CPS1: variants seen among roughly 807,000 people sequenced by gnomAD.
The protein encoded by CPS1 is carbamoyl-phosphate synthase [ammonia], mitochondrial.
Under a neutral mutation model 174.6 loss-of-function variants are expected in CPS1, and 109 were observed. The ratio of observed to expected loss-of-function variants is 0.62; its 90% CI spans 0.53 to 0.73. The LOEUF (loss-of-function observed/expected upper bound fraction) is 0.73, where lower values mean the gene tolerates loss of function less well. Among genes scored for constraint, CPS1 ranks in the 30% least tolerant of loss-of-function variants. CPS1 has a pLI of 0.00. For synonymous variants in CPS1, 637 were observed against 632.0 expected (o/e 1.01, Z -0.12); for missense variants, 1,689 against 1,821.9 (o/e 0.93, Z 1.33).
intron 19 of CPS1, among the ~76,000 whole-genome samples, chr2:210,611,303 CA>C (rs954185141): frequency 6.6e-6 from 1 of 151,798 alleles, no homozygotes; most frequent in African/African-American, 2.4e-5. Flanking sequence ...TGAGGAATCA[CA>C]AAAGTTTACT....
At chr2:210,665,834 T>C (rs1701079026) in intron 33 of CPS1, among the ~76,000 whole-genome samples, 1 of 145,532 alleles carries the variant, frequency 6.9e-6, no homozygotes, top group African/African-American at 2.6e-5. Flanking sequence ...CCTTTGGGTA[T>C]ATACCCAGTA....
At chr2:210,516,119 A>C (rs918978397) in intron 1 of CPS1, among the ~76,000 whole-genome samples, 1 of 151,932 alleles carries the variant, frequency 6.6e-6, no homozygotes, top group Non-Finnish European at 1.5e-5. Context: ...ATGGCTGAGC[A>C]TGTGGTTGAC....
At chr2:210,492,109 A>T (rs898382671) in intron 1 of CPS1, among the ~76,000 whole-genome samples, 1 of 152,238 alleles carries the variant, frequency 6.6e-6, no homozygotes, top group East Asian at 1.9e-4. Context: ...AGACTTCACT[A>T]TCCCTCCAGA....
At chr2:210,571,552 G>A (rs1322091112) in intron 1 of CPS1, among the ~76,000 whole-genome samples, 1 of 151,878 alleles carries the variant, frequency 6.6e-6, no homozygotes, top group African/African-American at 2.4e-5. Context: ...AGTTTTGTGT[G>A]TAAATGTAAG....
chr2:210,566,765 T>G (rs1029398330), intron 1 of CPS1, among the ~76,000 whole-genome samples: 21 of 152,150 alleles, frequency 1.4e-4, no homozygotes, highest in African/African-American at 4.8e-4. Context: ...ATCATTATTT[T>G]TTGTGAAGAT....
chr2:210,636,395 A>G (rs1377665639), intron 21 of CPS1, among the ~76,000 whole-genome samples: 3 of 151,206 alleles, frequency 2.0e-5, no homozygotes, highest in East Asian at 1.9e-4. Flanking sequence ...AATTATATTT[A>G]CATTTAATTT....
intron 1 of CPS1, among the ~76,000 whole-genome samples, chr2:210,486,074 ATATATGTG>A (rs1233793083): frequency 7.5e-5 from 11 of 147,228 alleles, no homozygotes; most frequent in Non-Finnish European, 1.0e-4. Flanking sequence ...ATATATGTAT[ATATATGTG>A]TATATATATA....
chr2:210,594,168 A>G (rs1042535494), intron 11 of CPS1, among the ~76,000 whole-genome samples: 1 of 151,920 alleles, frequency 6.6e-6, no homozygotes, highest in African/African-American at 2.4e-5. Flanking sequence ...CATAAGTGAT[A>G]TAGCTTCAAT....
At chr2:210,652,685 G>A (rs1394559070) in intron 28 of CPS1, among the ~76,000 whole-genome samples, 1 of 152,096 alleles carries the variant, frequency 6.6e-6, no homozygotes, top group African/African-American at 2.4e-5. Flanking sequence ...CTGCCTGTGA[G>A]GAATCCAAGT....
intron 29 of CPS1, 114 bp from the exon 30 acceptor site, chr2:210,656,411 C>T (rs897842479): frequency 5.5e-5 from 41 of 743,414 alleles, no homozygotes; most frequent in Non-Finnish European, 9.0e-5. Context: ...AGCAAGGGAA[C>T]TACTTAGTGC....
At chr2:210,530,633 T>G (rs1173160000) in intron 1 of CPS1, among the ~76,000 whole-genome samples, 1 of 152,074 alleles carries the variant, frequency 6.6e-6, no homozygotes, top group Non-Finnish European at 1.5e-5. Flanking sequence ...GTTATTCAGT[T>G]TAACCTAAGG....
chr2:210,656,234 C>T (rs994690359), intron 29 of CPS1, among the ~76,000 whole-genome samples: 2 of 152,172 alleles, frequency 1.3e-5, no homozygotes, highest in Non-Finnish European at 2.9e-5. Context: ...CTATCCTGTT[C>T]TTAAAAGTCA....
chr2:210,507,369 T>C (rs1388629445), intron 1 of CPS1, among the ~76,000 whole-genome samples: 1 of 152,244 alleles, frequency 6.6e-6, no homozygotes, highest in African/African-American at 2.4e-5. Flanking sequence ...AAAGAGCTCC[T>C]GAAGGAAGCA....
Position 210,675,728 on chromosome 2 carries a change from C to T in CPS1, c.4162C>T (p.Leu1388=). 7 of 1,494,754 alleles carry T rather than the reference C, an allele frequency of 4.7e-6. No individual in the cohort carries two copies. Among genetic ancestry groups the T allele is most frequent in the Non-Finnish European group, 6.5e-6 (7 of 1,071,166 alleles). 92.6% of individuals were successfully genotyped at this position (1,494,754 alleles called of 1,614,324 possible). ...ATTGATTTTTTCATTTTAAATGCAG[C>T]TGTTTGCCACGGAAGCCACATCAGA... The part of the protein sequence containing the change: ...AEQLHNEGFK[L]FATEATSDWL... The change falls in exon 36 of 38, where the codon CTG becomes TTG. Residue 1388 remains leucine, a splice_region_variant and synonymous_variant. Coordinates refer to ENST00000233072, the MANE Select transcript of CPS1 (RefSeq NM_001875.5).
intron 23 of CPS1, 47 bp from the exon 24 acceptor site, chr2:210,639,949 T>C (rs774893647): frequency 3.4e-5 from 44 of 1,312,316 alleles, no homozygotes; most frequent in Non-Finnish European, 4.4e-5. Context: ...TTAAATGGAA[T>C]AATAACACTT....
chr2:210,517,835 C>T (rs975165547), intron 1 of CPS1, among the ~76,000 whole-genome samples: 2 of 151,928 alleles, frequency 1.3e-5, no homozygotes, highest in Non-Finnish European at 2.9e-5. Context: ...TATGGCTATG[C>T]TGTAGTTTGA....
At position 210,600,658 on chromosome 2, in the gene CPS1, A is replaced by G; in HGVS notation, c.1653A>G (p.Ser551=). Residue 551 remains serine (S), a synonymous_variant, in exon 15 of 38, where the codon TCA becomes TCG. Coordinates refer to ENST00000233072, the MANE Select transcript of CPS1 (RefSeq NM_001875.5). The part of the protein sequence containing the change: ...IMATEDRQLF[S]DKLNEINEKI... ...CTACGGAAGACAGGCAGCTGTTTTCAGATAAACTAAATGAGATCAATGAAA... is the reference window on the plus strand; with the variant it reads ...CTACGGAAGACAGGCAGCTGTTTTCGGATAAACTAAATGAGATCAATGAAA... The G allele has an allele frequency of 1.2e-6, 2 of 1,612,334 alleles. No homozygotes were observed. The highest frequency in any genetic ancestry group is 1.7e-6 in the Non-Finnish European group (2 of 1,178,870).
At chr2:210,623,085 G>A (rs2105876564) in intron 21 of CPS1, among the ~76,000 whole-genome samples, 1 of 152,178 alleles carries the variant, frequency 6.6e-6, no homozygotes, top group East Asian at 1.9e-4. Context: ...AATCATCAAA[G>A]TGAAGGTTTT....
At chr2:210,503,128 A>G (rs1338305525) in intron 1 of CPS1, among the ~76,000 whole-genome samples, 1 of 152,174 alleles carries the variant, frequency 6.6e-6, no homozygotes, top group Non-Finnish European at 1.5e-5. Context: ...AACTCTACAG[A>G]AAAAGTGAGA....
Sources: allele counts gnomAD v4.1 joint callset (sites outside exome capture counted in the v4.1 genomes callset), GRCh38; gene constraint gnomAD v4.1.1; transcripts MANE v1.5; gene names NCBI Gene and HGNC (gene_info 2026-07-23, HGNC 2026-07-21).